Variants in SFSWAP observed in about 807,000 individuals in gnomAD.
The protein encoded by SFSWAP is splicing factor, suppressor of white-apricot homolog.
SFSWAP carries 17 observed loss-of-function variants against 100.7 expected under a neutral mutation model. The observed-to-expected ratio is 0.17, with a 90% CI of 0.12 to 0.25. SFSWAP has a LOEUF of 0.25. Ranked by LOEUF, SFSWAP falls within the 10% of genes least tolerant of loss-of-function variation. The probability of loss-of-function intolerance (pLI) is 1.00; values close to 1 mark genes in which losing one functional copy is unlikely to be tolerated. For missense variants in SFSWAP, 1,005 were observed against 1,262.6 expected, an observed-to-expected ratio of 0.80 and a Z score of 3.09; for synonymous variants, 504 against 510.1, an observed-to-expected ratio of 0.99 and a Z score of 0.16.
intron 12 of SFSWAP, 98 bp from the exon 13 acceptor site, chr12:131,766,020 A>G: frequency 1.7e-6 from 2 of 1,206,418 alleles, no homozygotes; most frequent in Non-Finnish European, 2.3e-6. Context: ...AACTTTAACT[A>G]ACTGCATTGT....
intron 11 of SFSWAP, chr12:131,757,052 G>A (rs1432130913): frequency 6.1e-6 from 1 of 162,812 alleles, no homozygotes; most frequent in Non-Finnish European, 1.3e-5. Flanking sequence ...CTCGATTTCA[G>A]TTACTTTGTT....
Position 131,799,552 on chromosome 12 carries a change from C to T in SFSWAP, c.*64C>T, listed in dbSNP as rs1203956443. On this transcript the variant is annotated 3_prime_UTR_variant, in exon 18 of 18. Transcript: ENST00000261674. ...GCTTCTGGGCAGGCTCACGCAGACG[C>T]CGGCCACACCATCCACCTGGCCGCC... 2.9e-6 allele frequency: 4 copies of T among 1,395,048 alleles called. No homozygotes were observed. Among genetic ancestry groups the T allele is most frequent in the Non-Finnish European group, 4.0e-6 (4 of 1,000,520 alleles). 86.4% of individuals were successfully genotyped at this position (1,395,048 alleles called of 1,614,324 possible).
At chr12:131,728,656 A>G (rs529405050) in intron 7 of SFSWAP, among the ~76,000 whole-genome samples, 68 of 151,624 alleles carry the variant, frequency 4.5e-4, no homozygotes, top group African/African-American at 1.4e-3. Flanking sequence ...GCATTCCAGG[A>G]AGGAGGAGGA....
chr12:131,713,474 ATGTG>A (rs2136172052), intron 1 of SFSWAP: 1 of 152,384 alleles, frequency 6.6e-6, no homozygotes, highest in African/African-American at 2.4e-5. Context: ...GTTCCAATGT[ATGTG>A]TGTCTCTCTA....
At position 131,733,289 on chromosome 12, in the gene SFSWAP, C is replaced by T. The variant is rs979142833; in HGVS notation, c.1081+4861C>T. Reference sequence around the variant, plus strand: ...TTTCGTATGTGTGTCTCTGCCATCTCCTCCTCCTCCCATTCCTGACCTGTT... The same window carrying T: ...TTTCGTATGTGTGTCTCTGCCATCTTCTCCTCCTCCCATTCCTGACCTGTT... On this transcript the variant is annotated intron_variant, in intron 7 of 17. Coordinates refer to ENST00000261674, the MANE Select transcript of SFSWAP (RefSeq NM_004592.4). The surrounding 1 kb of genome is among the most constrained non-coding windows in gnomAD (Gnocchi z 5.1). 1.3e-5 allele frequency among the ~76,000 whole-genome samples: 2 copies of T among 152,192 alleles called. No individual in the cohort carries two copies. The highest frequency in any genetic ancestry group is 2.4e-5 in the African/African-American group (1 of 41,454).
In SFSWAP at chr12:131,754,297, C is replaced by G. The variant is rs1014371592; in HGVS notation, c.1323-71C>G. ...CTCCGGGCATCTGAGGCGGTGAGGA[C>G]CCCCGAGCAGCCAGGACTGAGCTTG... On this transcript the variant is annotated intron_variant, in intron 8 of 17. Transcript: ENST00000261674. The G allele has an allele frequency of 3.1e-6, 4 of 1,292,688 alleles. No individual in the cohort carries two copies. In the African/African-American group the frequency reaches 6.1e-5, roughly 20 times the overall value. The allele number at this position is 1,292,688 out of a possible 1,614,324, so 80.1% of individuals were successfully genotyped here.
In SFSWAP at chr12:131,733,818, C is replaced by T. The variant is rs1485734521; in HGVS notation, c.1081+5390C>T. ...TCAGGCTTGTCTTCCTGCCGCAGCG[C>T]AGCAGCCCTCCCATGCCTGGGTCCT... On this transcript the variant is annotated intron_variant, in intron 7 of 17. Transcript: ENST00000261674. The surrounding 1 kb of genome is among the most constrained non-coding windows in gnomAD (Gnocchi z 5.1). Among the ~76,000 whole-genome samples the T allele has an allele frequency of 2.0e-5, 3 of 152,084 alleles. No individual in the cohort carries two copies. The highest frequency in any genetic ancestry group is 2.9e-5 in the Non-Finnish European group (2 of 67,980).
At chr12:131,790,486 G>C (rs544333364) in intron 15 of SFSWAP, among the ~76,000 whole-genome samples, 1 of 152,314 alleles carries the variant, frequency 6.6e-6, no homozygotes, top group Non-Finnish European at 1.5e-5. Flanking sequence ...ATTCATGAAA[G>C]TTATTTTGAG....
At chr12:131,777,991 T>C (rs1311122314) in intron 13 of SFSWAP, 74 bp from the exon 14 acceptor site, 6 of 1,543,318 alleles carry the variant, frequency 3.9e-6, no homozygotes, top group South Asian at 2.5e-5. Flanking sequence ...GGGCCCAAAG[T>C]TGAAATTTTA....
Position 131,753,191 on chromosome 12 carries a change from C to A in SFSWAP, c.1150C>A (p.Pro384Thr). The stretch of plus-strand genomic sequence containing the variant: ...CGGCACTTACTGCCTGGCGCCGCCC[C>A]CTCCCGGAATCGACGTGACTACTTA... ...PDGTYCLAPP[P>T]PGIDVTTYYS... Residue 384 changes from proline to threonine, a missense_variant, in exon 8 of 18, where the codon CCT (proline) becomes ACT (threonine). Transcript: ENST00000261674. 1 of 1,614,190 alleles carries A rather than the reference C, an allele frequency of 6.2e-7. No homozygotes were observed. The highest frequency in any genetic ancestry group is 8.5e-7 in the Non-Finnish European group (1 of 1,180,022).
At position 131,799,695 on chromosome 12, in the gene SFSWAP, T is replaced by C. The variant is rs899722906; in HGVS notation, c.*207T>C. ...TAAATATATCATGTTTCTGTGAAAA[T>C]GTATTATGAAATAAAATGGGAGGAA... On this transcript the variant is annotated 3_prime_UTR_variant, in exon 18 of 18. Coordinates refer to ENST00000261674, the MANE Select transcript of SFSWAP (RefSeq NM_004592.4). 8 of 568,496 alleles carry C rather than the reference T, an allele frequency of 1.4e-5. No homozygotes were observed. The highest frequency in any genetic ancestry group is 2.5e-5 in the Non-Finnish European group (8 of 322,196). The allele number at this position is 568,496 out of a possible 1,614,324, so 35.2% of individuals were successfully genotyped here.
intron 8 of SFSWAP, 62 bp downstream of exon 8, chr12:131,753,425 C>T (rs748633746): frequency 7.9e-5 from 121 of 1,537,910 alleles, no homozygotes; most frequent in African/African-American, 2.1e-4. Flanking sequence ...TCACTGGGGC[C>T]GTCTGTGTCT....
At chr12:131,753,456 A>G (rs1428671094) in intron 8 of SFSWAP, 93 bp downstream of exon 8, 28 of 1,465,918 alleles carry the variant, frequency 1.9e-5, no homozygotes, top group Non-Finnish European at 2.5e-5. Context: ...CTTGTAATCT[A>G]GATCATATAC....
intron 1 of SFSWAP, chr12:131,712,633 C>T (rs1319141941): frequency 1.3e-5 from 2 of 152,164 alleles, no homozygotes; most frequent in African/African-American, 4.8e-5. Context: ...CCATCCCTGA[C>T]GTTTCCTTTT....
intron 17 of SFSWAP, 113 bp from the exon 18 acceptor site, chr12:131,799,310 C>A: frequency 2.5e-6 from 3 of 1,204,082 alleles, no homozygotes; most frequent in East Asian, 2.4e-5. Flanking sequence ...CCGCCGCCCC[C>A]ACGGTGCTAG....
At chr12:131,779,734 T>C (rs1385360114) in intron 14 of SFSWAP, among the ~76,000 whole-genome samples, 2 of 152,252 alleles carry the variant, frequency 1.3e-5, no homozygotes, top group Non-Finnish European at 2.9e-5. Context: ...TTTGCCTCTC[T>C]GAATATATCC....
chr12:131,765,087 T>C (rs1224787994), intron 12 of SFSWAP, among the ~76,000 whole-genome samples: 1 of 152,170 alleles, frequency 6.6e-6, no homozygotes, highest in Non-Finnish European at 1.5e-5. Context: ...ACAGAACCAT[T>C]GGGCCCTTGA....
Position 131,711,205 on chromosome 12 carries a change from C to G in SFSWAP, c.-25C>G. On this transcript the variant is annotated 5_prime_UTR_variant, in exon 1 of 18. Coordinates refer to ENST00000261674, the MANE Select transcript of SFSWAP (RefSeq NM_004592.4). The surrounding 1 kb of genome is among the most constrained non-coding windows in gnomAD (Gnocchi z 4.9). Reference sequence around the variant, plus strand: ...GACGTCGCGCGGCACAGAAGAGGACCAGCCTGGACGCCGGGGACGCTGTCA... The same window carrying G: ...GACGTCGCGCGGCACAGAAGAGGACGAGCCTGGACGCCGGGGACGCTGTCA... 6.4e-7 allele frequency: 1 copy of G among 1,557,124 alleles called. No homozygotes were observed. Among genetic ancestry groups the G allele is most frequent in the Admixed American group, 1.9e-5 (1 of 53,534 alleles).
chr12:131,714,168 A>G lies in SFSWAP; in HGVS notation c.316A>G (p.Ile106Val), dbSNP rs939484208. ...DYQLSEEEAR[I>V]EALCDEERYL... ...TCAGCTGTCTGAAGAGGAGGCGCGA[A>G]TAGAGGCCCTGTGTGATGAAGAGAG... The change falls in exon 2 of 18, where the codon ATA (isoleucine) becomes GTA (valine). Residue 106 changes from isoleucine (I) to valine (V), a missense_variant. Physicochemically the swap from Ile to Val is conservative, Grantham distance 29 (BLOSUM62 3). Coordinates refer to ENST00000261674, the MANE Select transcript of SFSWAP (RefSeq NM_004592.4). The surrounding 1 kb of genome is among the most constrained non-coding windows in gnomAD (Gnocchi z 6.0). 6.2e-7 allele frequency: 1 copy of G among 1,614,082 alleles called. No individual in the cohort carries two copies. Among genetic ancestry groups the G allele is most frequent in the Non-Finnish European group, 8.5e-7 (1 of 1,179,950 alleles).
Sources: allele counts gnomAD v4.1 joint callset (sites outside exome capture counted in the v4.1 genomes callset), GRCh38; gene constraint gnomAD v4.1.1; non-coding constraint Gnocchi (gnomAD v3.1); transcripts MANE v1.5; gene names NCBI Gene and HGNC (gene_info 2026-07-23, HGNC 2026-07-21).